The following MYRIP variants were observed in gnomAD, a reference collection of about 807,000 sequenced individuals.
MYRIP encodes rab effector MyRIP.
A neutral mutation model predicts 98.0 loss-of-function variants in MYRIP; 49 were observed. That is an observed-to-expected ratio of 0.50 (90% confidence interval 0.40 to 0.63). The LOEUF (loss-of-function observed/expected upper bound fraction) is 0.63. MYRIP is among the 30% of genes least tolerant of loss of function. MYRIP has a pLI of 0.00. For missense variants in MYRIP, 1,004 were observed against 1,058.2 expected (o/e 0.95, Z 0.71); for synonymous variants, 404 against 409.5 (o/e 0.99, Z 0.16).
intron 1 of MYRIP, among the ~76,000 whole-genome samples, chr3:39,832,322 G>C (rs1483153166): frequency 6.6e-6 from 1 of 152,146 alleles, no homozygotes; most frequent in Non-Finnish European, 1.5e-5. Context: ...GTCTTACATT[G>C]CTTCCTTTCT....
chr3:39,810,133 C>A (rs1048212868), intron 1 of MYRIP, among the ~76,000 whole-genome samples: 1 of 152,250 alleles, frequency 6.6e-6, no homozygotes, highest in Non-Finnish European at 1.5e-5. Flanking sequence ...GCTCAGGGAT[C>A]ATCGCGGAGC....
At chr3:40,096,086 G>T (rs1948827706) in intron 3 of MYRIP, among the ~76,000 whole-genome samples, 1 of 147,342 alleles carries the variant, frequency 6.8e-6, no homozygotes, top group African/African-American at 2.5e-5. Context: ...TGAGCCTTCT[G>T]ACCATGTCTG....
intron 13 of MYRIP, among the ~76,000 whole-genome samples, chr3:40,245,699 G>C (rs1339967591): frequency 1.4e-5 from 2 of 146,144 alleles, no homozygotes; most frequent in Non-Finnish European, 3.0e-5. Context: ...AAGTTTGAGA[G>C]ACACTCGTCT....
chr3:39,861,805 A>G (rs911608188), intron 1 of MYRIP, among the ~76,000 whole-genome samples: 1 of 152,216 alleles, frequency 6.6e-6, no homozygotes, highest in African/African-American at 2.4e-5. Flanking sequence ...AAAACAATAA[A>G]GAAAAATGAA....
intron 3 of MYRIP, among the ~76,000 whole-genome samples, chr3:40,143,361 A>AGTACACTTAGCCGGG (rs1949947649): frequency 6.6e-6 from 1 of 152,172 alleles, no homozygotes; most frequent in Non-Finnish European, 1.5e-5. Context: ...ACACCTGAGC[A>AGTACACTTAGCCGGG]TGGACCAGGG....
At chr3:39,958,134 C>A (rs1405567288) in intron 2 of MYRIP, among the ~76,000 whole-genome samples, 1 of 152,174 alleles carries the variant, frequency 6.6e-6, no homozygotes, top group Non-Finnish European at 1.5e-5. Flanking sequence ...AATGCCATCC[C>A]TATCAAGCTA....
chr3:40,252,790 C>A (rs899162996), intron 16 of MYRIP, among the ~76,000 whole-genome samples: 5 of 152,126 alleles, frequency 3.3e-5, no homozygotes, highest in Non-Finnish European at 5.9e-5. Context: ...AACTTACCCA[C>A]AGAATTACTT....
chr3:40,205,338 C>T (rs1951762461), intron 10 of MYRIP, among the ~76,000 whole-genome samples: 2 of 152,128 alleles, frequency 1.3e-5, no homozygotes, highest in Non-Finnish European at 2.9e-5. Context: ...GTGAACTGAT[C>T]AATGATCTTT....
intron 11 of MYRIP, among the ~76,000 whole-genome samples, chr3:40,217,027 T>C (rs1427746500): frequency 1.3e-5 from 2 of 152,202 alleles, no homozygotes; most frequent in South Asian, 2.1e-4. Context: ...CAAATATGTA[T>C]TGTTGTTAAA....
At position 40,001,860 on chromosome 3, in the gene MYRIP, A is replaced by G. The variant is rs560818878; in HGVS notation, c.111-42190A>G. The stretch of plus-strand genomic sequence containing the variant: ...GGGGAGGAACAGGCAGATTCAAAAG[A>G]TATTTCAGGATAGATTCAATAGACT... On this transcript the variant is annotated intron_variant, in intron 2 of 16. Transcript: ENST00000302541. 4.0e-4 allele frequency among the ~76,000 whole-genome samples: 61 copies of G among 152,314 alleles called. 1 individual carries two copies. The highest frequency in any genetic ancestry group is 1.3e-3 in the African/African-American group (54 of 41,568).
chr3:39,853,124 T>A (rs959156447), intron 1 of MYRIP, among the ~76,000 whole-genome samples: 1 of 152,214 alleles, frequency 6.6e-6, no homozygotes, highest in Admixed American at 6.5e-5. Context: ...TCATAGCATA[T>A]GTATACTACA....
At chr3:40,026,382 CAT>C (rs34879495) in intron 2 of MYRIP, among the ~76,000 whole-genome samples, 79,869 of 151,706 alleles carry the variant, frequency 0.53, 21,716 homozygotes, top group East Asian at 0.67. Flanking sequence ...TGTTCAAACA[CAT>C]GTTTTACAAT....
At position 39,923,489 on chromosome 3, in the gene MYRIP, G is replaced by A. The variant is rs529777232; in HGVS notation, c.110+22563G>A. Among the ~76,000 whole-genome samples the A allele has an allele frequency of 3.9e-5, 6 of 152,104 alleles. No homozygotes were observed. In the East Asian group the frequency reaches 9.7e-4, roughly 25 times the overall value. On this transcript the variant is annotated intron_variant, in intron 2 of 16. Transcript: ENST00000302541. ...CTTTCTCAACAGAAATCATACAGGCGAGAACAAAAAATAGCATGTATTTTT... is the reference window on the plus strand; with the variant it reads ...CTTTCTCAACAGAAATCATACAGGCAAGAACAAAAAATAGCATGTATTTTT...
At chr3:40,222,655 A>G (rs1416714345) in intron 11 of MYRIP, among the ~76,000 whole-genome samples, 1 of 149,912 alleles carries the variant, frequency 6.7e-6, no homozygotes, top group Non-Finnish European at 1.5e-5. Flanking sequence ...CATTGTAGAG[A>G]GGGTTTAAAA....
At chr3:40,035,234 T>A (rs7622443) in intron 2 of MYRIP, among the ~76,000 whole-genome samples, 138,255 of 151,824 alleles carry the variant, frequency 0.91, 63,779 homozygotes, top group Non-Finnish European at 0.98. Context: ...AATAAAATTT[T>A]AAAAATTAAA....
intron 1 of MYRIP, among the ~76,000 whole-genome samples, chr3:39,819,508 C>G (rs1446620802): frequency 6.6e-6 from 1 of 152,226 alleles, no homozygotes; most frequent in Non-Finnish European, 1.5e-5. Flanking sequence ...TCTCACCCAT[C>G]CTAGGGTGTA....
At chr3:39,958,077 T>G (rs932543084) in intron 2 of MYRIP, among the ~76,000 whole-genome samples, 1 of 152,122 alleles carries the variant, frequency 6.6e-6, no homozygotes, top group Non-Finnish European at 1.5e-5. Flanking sequence ...ATAAGAAGAA[T>G]CAATATCATG....
chr3:40,099,007 A>T (rs1948888391), intron 3 of MYRIP, among the ~76,000 whole-genome samples: 1 of 152,088 alleles, frequency 6.6e-6, no homozygotes, highest in Non-Finnish European at 1.5e-5. Context: ...ATGTAATTTT[A>T]TCTGAAAAGT....
At chr3:39,866,500 C>T (rs1002365761) in intron 1 of MYRIP, among the ~76,000 whole-genome samples, 2 of 151,996 alleles carry the variant, frequency 1.3e-5, no homozygotes, top group Non-Finnish European at 2.9e-5. Flanking sequence ...GACGGAGTTT[C>T]GCTCTTGTTG....
Sources: gnomAD v4.1 joint callset for allele counts (sites outside exome capture counted in the v4.1 genomes callset) on GRCh38, gnomAD v4.1.1 for gene constraint, MANE v1.5 for transcripts, NCBI Gene and HGNC (gene_info 2026-07-23, HGNC 2026-07-21) for gene names.